ZP3: variants seen among roughly 807,000 people sequenced by gnomAD.
ZP3 encodes zona pellucida sperm-binding protein 3.
Under a neutral mutation model 35.6 loss-of-function variants are expected in ZP3, and 21 were observed. The ratio of observed to expected loss-of-function variants is 0.59; its 90% CI spans 0.42 to 0.85. ZP3 has a LOEUF of 0.85. Among genes scored for constraint, ZP3 ranks in the 40% least tolerant of loss-of-function variants. The pLI is 0.00. For synonymous variants in ZP3, 207 were observed against 214.5 expected (o/e 0.96, Z 0.31); for missense variants, 437 against 536.5 (o/e 0.81, Z 1.83).
chr7:76,423,060 AAAG>A (rs1805557971), upstream of ZP3, among the ~76,000 whole-genome samples: 1 of 148,470 alleles, frequency 6.7e-6, no homozygotes. Context: ...AGAAAGAAAG[AAAG>A]AAAGAAAGAA....
At chr7:76,417,593 A>G (rs1168930746) in intron 1 of ZP3, among the ~76,000 whole-genome samples, 3 of 151,812 alleles carry the variant, frequency 2.0e-5, no homozygotes, top group Non-Finnish European at 2.9e-5. Flanking sequence ...TAGAAAGAAA[A>G]GTACTATTTA....
chr7:76,426,728 GAC>G (rs1217275164), intron 1 of ZP3, among the ~76,000 whole-genome samples: 2 of 151,746 alleles, frequency 1.3e-5, no homozygotes, highest in African/African-American at 4.8e-5. Context: ...TGTTTTTTGA[GAC>G]AGTTTTGCTC....
chr7:76,419,887 C>T (rs930016103), intron 1 of ZP3, among the ~76,000 whole-genome samples: 3 of 150,932 alleles, frequency 2.0e-5, no homozygotes, highest in Admixed American at 6.7e-5. Context: ...CTGCAACTTC[C>T]GCCTCCCAGG....
chr7:76,437,597 C>T (rs1240856478), intron 5 of ZP3, among the ~76,000 whole-genome samples: 1 of 122,140 alleles, frequency 8.2e-6, no homozygotes, highest in African/African-American at 4.1e-5. Context: ...AGCAATTCTT[C>T]CATTCCAGCC....
chr7:76,434,047 C>G lies in ZP3; in HGVS notation c.723C>G (p.Val241=), dbSNP rs112208102. ...TCTGTTTTCTTCCAAGCTGTCTTGT[C>G]GACGGTCTCACTGATGCCTCTTCTG... ...HTIVDFHGCL[V]DGLTDASSAF... The change falls in exon 5 of 8, where the codon GTC becomes GTG. Residue 241 remains valine (V), a synonymous_variant. Transcript: ENST00000394857. 2 of 1,396,326 alleles carry G rather than the reference C, an allele frequency of 1.4e-6. No individual in the cohort carries two copies. The highest frequency in any genetic ancestry group is 2.6e-5 in the South Asian group (2 of 77,538). 86.5% of individuals were successfully genotyped at this position (1,396,326 alleles called of 1,614,324 possible).
intron 1 of ZP3, among the ~76,000 whole-genome samples, chr7:76,399,505 A>C (rs1440676220): frequency 6.6e-6 from 1 of 151,852 alleles, no homozygotes; most frequent in Admixed American, 6.6e-5. Flanking sequence ...TGCCACGTGG[A>C]GCGCATGGCC....
intron 1 of ZP3, chr7:76,400,573 C>G (rs938177086): frequency 2.0e-6 from 3 of 1,480,766 alleles, no homozygotes; most frequent in Admixed American, 4.8e-5. Flanking sequence ...GCGGCTGGGG[C>G]CCCCCACCAG....
intron 1 of ZP3, chr7:76,400,223 A>G: frequency 7.2e-7 from 1 of 1,398,008 alleles, no homozygotes; most frequent in Non-Finnish European, 9.4e-7. Context: ...TCATTTATCT[A>G]GCCTACAGCC....
intron 1 of ZP3, among the ~76,000 whole-genome samples, chr7:76,414,605 T>C (rs908064090): frequency 6.0e-5 from 9 of 150,878 alleles, no homozygotes; most frequent in Admixed American, 4.0e-4. Context: ...GATGATTCCA[T>C]TTAGGACAGT....
intron 1 of ZP3, chr7:76,404,601 G>T: frequency 2.0e-6 from 2 of 986,600 alleles, no homozygotes; most frequent in Non-Finnish European, 3.0e-6. Context: ...AGATCAGCCT[G>T]GGCAACATAG....
At position 76,418,466 on chromosome 7, in the gene ZP3, G is replaced by A. The variant is rs139205687; in HGVS notation, c.-66-6586G>A. Among the ~76,000 whole-genome samples the A allele has an allele frequency of 6.8e-3, 987 of 145,886 alleles. 18 individuals carry two copies. Among genetic ancestry groups the A allele is most frequent in the African/African-American group, 0.024 (928 of 39,302 alleles). On this transcript the variant is annotated intron_variant, in intron 1 of 8. Coordinates refer to the ZP3 transcript ENST00000336517. ...CTCAGGAGGCTGAGGCAGAAGAATCGCTTGAACCTGAAAGGCGGAGGTTGC... is the reference window on the plus strand; with the variant it reads ...CTCAGGAGGCTGAGGCAGAAGAATCACTTGAACCTGAAAGGCGGAGGTTGC...
At chr7:76,399,203 G>C (rs962494469) in intron 1 of ZP3, among the ~76,000 whole-genome samples, 2 of 151,888 alleles carry the variant, frequency 1.3e-5, no homozygotes, top group Non-Finnish European at 2.9e-5. Flanking sequence ...AGTAGAGATG[G>C]GGTTTCACCA....
chr7:76,415,464 G>A (rs111833668), intron 1 of ZP3, among the ~76,000 whole-genome samples: 2 of 151,058 alleles, frequency 1.3e-5, no homozygotes, highest in African/African-American at 2.4e-5. Context: ...GAGTGGATTT[G>A]ATTCTTATTT....
chr7:76,397,865 C>G, intron 1 of ZP3: 2 of 1,490,540 alleles, frequency 1.3e-6, no homozygotes, highest in African/African-American at 1.4e-5. Flanking sequence ...GGGCGCATCT[C>G]CCACTGGCCT....
intron 1 of ZP3, among the ~76,000 whole-genome samples, chr7:76,427,707 C>T (rs1359943383): frequency 2.6e-5 from 4 of 152,084 alleles, no homozygotes; most frequent in African/African-American, 9.7e-5. Flanking sequence ...TAGGACTATT[C>T]CCTGAAGATC....
intron 1 of ZP3, among the ~76,000 whole-genome samples, chr7:76,414,533 A>G (rs1193055866): frequency 6.6e-6 from 1 of 151,548 alleles, no homozygotes; most frequent in Non-Finnish European, 1.5e-5. Flanking sequence ...GAGTTTGCCT[A>G]TTACGGAATG....
chr7:76,411,455 G>A (rs867268632), intron 1 of ZP3, among the ~76,000 whole-genome samples: 8 of 152,280 alleles, frequency 5.3e-5, no homozygotes, highest in African/African-American at 1.7e-4. Context: ...GCTGTAGTCA[G>A]TTACTTGCAA....
chr7:76,423,303 T>C (rs557300983), upstream of ZP3, among the ~76,000 whole-genome samples: 4 of 152,032 alleles, frequency 2.6e-5, no homozygotes, highest in Non-Finnish European at 5.9e-5. Flanking sequence ...AGGGCTTTTT[T>C]ATTAGGCAAA....
chr7:76,398,607 T>C, intron 1 of ZP3: 1 of 1,250,694 alleles, frequency 8.0e-7, no homozygotes, highest in Non-Finnish European at 1.1e-6. Context: ...GCCCAGCCAT[T>C]TTCTCTAACT....
Sources: allele counts gnomAD v4.1 joint callset (sites outside exome capture counted in the v4.1 genomes callset), GRCh38; gene constraint gnomAD v4.1.1; transcripts MANE v1.5; gene names NCBI Gene and HGNC (gene_info 2026-07-23, HGNC 2026-07-21).